The following PARL variants were observed in gnomAD, a reference collection of about 807,000 sequenced individuals.
The protein encoded by PARL is presenilin associated rhomboid like.
In PARL, 44 loss-of-function variants were observed where a neutral mutation model predicts 51.6. The observed-to-expected ratio is 0.85, with a 90% CI of 0.67 to 1.10. PARL has a LOEUF of 1.10. Among genes scored for constraint, PARL ranks in the 50% least tolerant of loss-of-function variants. The probability of loss-of-function intolerance (pLI) is 0.00; values close to 1 mark genes in which losing one functional copy is unlikely to be tolerated. For synonymous variants in PARL, 172 were observed against 164.0 expected, an observed-to-expected ratio of 1.05 and a Z score of -0.37; for missense variants, 441 against 469.5, an observed-to-expected ratio of 0.94 and a Z score of 0.56.
rs763808712 is a variant in PARL at position 183,833,497 on chromosome 3, A to G, written c.1023T>C (p.Phe341=). The G allele has an allele frequency of 6.2e-7, 1 of 1,602,326 alleles. No individual in the cohort carries two copies. The highest frequency in any genetic ancestry group is 8.6e-7 in the Non-Finnish European group (1 of 1,169,312). ...TCAATTACACTCAAACTTACATTCCAAAAAGAGCTCCCCCAAGATGTGCCG... is the reference window on the plus strand; with the variant it reads ...TCAATTACACTCAAACTTACATTCCGAAAAGAGCTCCCCCAAGATGTGCCG... ...DHAAHLGGAL[F]GIWYVTYGHE... The change falls in exon 9 of 10, where the codon TTT becomes TTC. Residue 341 remains phenylalanine (F), a synonymous_variant. Transcript: ENST00000317096.
chr3:183,882,892 C>T (rs1394732672), intron 1 of PARL, among the ~76,000 whole-genome samples: 4 of 151,948 alleles, frequency 2.6e-5, no homozygotes, highest in East Asian at 3.8e-4. Context: ...TTCTTCTGCA[C>T]GCTAATTTCA....
At chr3:183,878,050 C>CA (rs933558867) in intron 1 of PARL, among the ~76,000 whole-genome samples, 1 of 152,186 alleles carries the variant, frequency 6.6e-6, no homozygotes, top group African/African-American at 2.4e-5. Flanking sequence ...CTTGGTCTCC[C>CA]AAAGTGCTGG....
At chr3:183,852,151 T>C (rs934510942) in intron 4 of PARL, among the ~76,000 whole-genome samples, 17 of 152,250 alleles carry the variant, frequency 1.1e-4, no homozygotes, top group Admixed American at 9.8e-4. Flanking sequence ...AGCGAGACTC[T>C]GTCTCAAAAA....
rs569443591 is a variant in PARL at position 183,836,574 on chromosome 3, G to A, written c.829-2749C>T. 1.1e-4 allele frequency among the ~76,000 whole-genome samples: 16 copies of A among 152,156 alleles called. No homozygotes were observed. The South Asian group carries it at 2.7e-3, about 26-fold the overall frequency. The stretch of plus-strand genomic sequence containing the variant: ...ATGAACCCTTCTCTTCTCAGAAAAC[G>A]CTCACATTCATACACAGTTTAAGTA... On this transcript the variant is annotated intron_variant, in intron 7 of 9. Coordinates refer to ENST00000317096, the MANE Select transcript of PARL (RefSeq NM_018622.7).
chr3:183,869,151 C>G (rs115901004), intron 1 of PARL, among the ~76,000 whole-genome samples: 1,689 of 152,250 alleles, frequency 0.011, 30 homozygotes, highest in African/African-American at 0.039. Context: ...AAAACTGTAA[C>G]TTTCCCAGGT....
chr3:183,840,784 C>G, intron 6 of PARL, 144 bp from the exon 7 acceptor site: 1 of 588,822 alleles, frequency 1.7e-6, no homozygotes. Context: ...TTTTGGCTCA[C>G]TGCAACCTGT....
intron 1 of PARL, among the ~76,000 whole-genome samples, chr3:183,868,512 G>A (rs1732797948): frequency 6.6e-6 from 1 of 152,060 alleles, no homozygotes. Flanking sequence ...TCAGGCTCAA[G>A]CGATCCTCCT....
At chr3:183,859,549 C>G (rs1208783097) in intron 4 of PARL, among the ~76,000 whole-genome samples, 1 of 152,106 alleles carries the variant, frequency 6.6e-6, no homozygotes, top group Non-Finnish European at 1.5e-5. Context: ...GTTGGCCAGG[C>G]TGGTCTCCAA....
intron 7 of PARL, among the ~76,000 whole-genome samples, chr3:183,837,097 T>C (rs1436663088): frequency 6.6e-6 from 1 of 152,236 alleles, no homozygotes; most frequent in Non-Finnish European, 1.5e-5. Flanking sequence ...TTATGTTTTT[T>C]AACTTTATTT....
chr3:183,864,917 T>C (rs1473190730), intron 3 of PARL, among the ~76,000 whole-genome samples: 1 of 115,158 alleles, frequency 8.7e-6, no homozygotes. Flanking sequence ...TTTTTTTTTT[T>C]TTTTCCGTAT....
intron 4 of PARL, chr3:183,862,537 C>T (rs1731957801): frequency 5.4e-6 from 3 of 552,804 alleles, no homozygotes; most frequent in Non-Finnish European, 6.5e-6. Flanking sequence ...CAATCAGTAT[C>T]ATACTAAATC....
intron 7 of PARL, 144 bp downstream of exon 7, chr3:183,840,426 T>G: frequency 1.8e-6 from 1 of 547,580 alleles, no homozygotes; most frequent in Admixed American, 3.4e-5. Context: ...CAATGTTAAT[T>G]TCTTGGTTTC....
In PARL at chr3:183,874,456, T is replaced by G. The variant is rs189471168; in HGVS notation, c.126-6396A>C. ...TGGAGTTTTGCTCTATCACCCAGGC[T>G]GCAGTGCAGTGGCGCGATCTCGACT... On this transcript the variant is annotated intron_variant, in intron 1 of 9. Transcript: ENST00000317096. Among the ~76,000 whole-genome samples the G allele has an allele frequency of 5.0e-3, 752 of 150,660 alleles. 9 individuals are homozygous for G. Among genetic ancestry groups the G allele is most frequent in the South Asian group, 0.039 (186 of 4,746 alleles).
At chr3:183,858,850 C>A (rs1262406721) in intron 4 of PARL, among the ~76,000 whole-genome samples, 3 of 151,696 alleles carry the variant, frequency 2.0e-5, no homozygotes, top group African/African-American at 7.3e-5. Context: ...CTTATAAACA[C>A]TTTTTCAGAG....
Position 183,829,460 on chromosome 3 carries a change from G to A in PARL, c.*138C>T. On this transcript the variant is annotated 3_prime_UTR_variant, in exon 10 of 10. Coordinates refer to ENST00000317096, the MANE Select transcript of PARL (RefSeq NM_018622.7). ...CACATTCTAAAAAGACACGGACTGG[G>A]GGACACAGCTGAAAACAGTGGGAGG... The A allele has an allele frequency of 6.2e-7, 1 of 1,602,904 alleles. No homozygotes were observed. Among genetic ancestry groups the A allele is most frequent in the Non-Finnish European group, 8.5e-7 (1 of 1,174,702 alleles).
chr3:183,857,080 C>A (rs1327018953), intron 4 of PARL, among the ~76,000 whole-genome samples: 1 of 152,086 alleles, frequency 6.6e-6, no homozygotes, highest in African/African-American at 2.4e-5. Context: ...AAAGAATATG[C>A]TGGCCAGGCA....
In PARL at chr3:183,847,564, A is replaced by AAAAT. The variant is rs200425957; in HGVS notation, c.512-3242_512-3239dup. 7.0e-3 allele frequency among the ~76,000 whole-genome samples: 1,064 copies of AAAAT among 152,110 alleles called. 6 individuals are homozygous for AAAAT. Among genetic ancestry groups the AAAAT allele is most frequent in the Non-Finnish European group, 0.012 (807 of 68,014 alleles). On this transcript the variant is annotated intron_variant, in intron 4 of 9. Transcript: ENST00000317096. Reference sequence around the variant, plus strand: ...GGGCGACAGAGGGAGACCCTGTCTCAAAATAAATAAATAAATAAATAAAAA... The same window carrying AAAAT: ...GGGCGACAGAGGGAGACCCTGTCTCAAAATAAATAAATAAATAAATAAATAAAAA...
At chr3:183,873,746 T>C (rs1733482101) in intron 1 of PARL, among the ~76,000 whole-genome samples, 1 of 152,116 alleles carries the variant, frequency 6.6e-6, no homozygotes, top group South Asian at 2.1e-4. Context: ...CACTTAAAAT[T>C]TTGAAGCACA....
At chr3:183,840,451 G>T in intron 7 of PARL, 119 bp downstream of exon 7, 1 of 573,014 alleles carries the variant, frequency 1.7e-6, no homozygotes, top group Non-Finnish European at 3.1e-6. Context: ...TTAGTTAACA[G>T]TAGGGTGAAG....
Sources: allele counts gnomAD v4.1 joint callset (sites outside exome capture counted in the v4.1 genomes callset), GRCh38; gene constraint gnomAD v4.1.1; transcripts MANE v1.5; gene names NCBI Gene and HGNC (gene_info 2026-07-23, HGNC 2026-07-21).